ZNF667: variants seen among roughly 807,000 people sequenced by gnomAD.
ZNF667 encodes myocardial ischemic preconditioning upregulated 1 ortholog.
Under a neutral mutation model 31.8 loss-of-function variants are expected in ZNF667, and 13 were observed. That is an observed-to-expected ratio of 0.41 (90% CI 0.27 to 0.65). The LOEUF (loss-of-function observed/expected upper bound fraction) is 0.65, where lower values mean the gene tolerates loss of function less well. Among genes scored for constraint, ZNF667 ranks in the 30% least tolerant of loss-of-function variants. The probability of loss-of-function intolerance (pLI) is 0.32; values close to 1 mark genes in which losing one functional copy is unlikely to be tolerated. For synonymous variants in ZNF667, 228 were observed against 247.1 expected, an observed-to-expected ratio of 0.92 and a Z score of 0.73; for missense variants, 642 against 725.6, an observed-to-expected ratio of 0.88 and a Z score of 1.32.
At chr19:56,450,564 A>C (rs993461331) in intron 6 of ZNF667, among the ~76,000 whole-genome samples, 6 of 152,214 alleles carry the variant, frequency 3.9e-5, no homozygotes, top group African/African-American at 1.4e-4. Context: ...CTGCACAGAT[A>C]AATACAAAAT....
At chr19:56,446,140 T>G (rs2042704817) in intron 6 of ZNF667, among the ~76,000 whole-genome samples, 1 of 152,252 alleles carries the variant, frequency 6.6e-6, no homozygotes. Flanking sequence ...AGGTGTGCTT[T>G]AAAGGCAGAC....
rs530481650 is a variant in ZNF667 at position 56,471,108 on chromosome 19, C to T, written c.-60+591G>A. ...AGCACCATCCCTTTGGTGCTGTTCC[C>T]GTGATAAGAGTTCTCACGAGATCCA... On this transcript the variant is annotated intron_variant, in intron 3 of 6. Coordinates refer to ENST00000504904, the MANE Select transcript of ZNF667 (RefSeq NM_001321356.2). Among the ~76,000 whole-genome samples the T allele has an allele frequency of 1.4e-4, 21 of 152,096 alleles. No individual in the cohort carries two copies. In the South Asian group the frequency reaches 3.3e-3, roughly 24 times the overall value.
chr19:56,458,460 C>T (rs1161041528), intron 5 of ZNF667, among the ~76,000 whole-genome samples: 1 of 152,148 alleles, frequency 6.6e-6, no homozygotes, highest in Admixed American at 6.5e-5. Flanking sequence ...TCCTTAAACC[C>T]TGGGAATCTC....
intron 1 of ZNF667, chr19:56,475,847 T>A (rs2043394539): frequency 6.6e-6 from 1 of 152,190 alleles, no homozygotes; most frequent in South Asian, 2.1e-4. Flanking sequence ...AATGCTGCCC[T>A]CCCAGGACCC....
Position 56,463,254 on chromosome 19 carries a change from G to C in ZNF667, c.-59-825C>G, listed in dbSNP as rs117044193. On this transcript the variant is annotated intron_variant, in intron 3 of 6. Coordinates refer to ENST00000504904, the MANE Select transcript of ZNF667 (RefSeq NM_001321356.2). ...CATGTCTATATGGTGGGTTAACTGT[G>C]TGTCAGAAGAGGGAGCAGGAGTGAG... is the stretch of plus-strand genomic sequence containing the variant. Among the ~76,000 whole-genome samples, 216 of 152,306 alleles carry C rather than the reference G, an allele frequency of 1.4e-3. 3 individuals are homozygous for C. The East Asian group carries it at 0.036, about 25-fold the overall frequency.
intron 6 of ZNF667, among the ~76,000 whole-genome samples, chr19:56,455,806 TGATA>T (rs1218229790): frequency 1.3e-5 from 2 of 152,160 alleles, no homozygotes; most frequent in African/African-American, 4.8e-5. Context: ...AAGCTTGAGG[TGATA>T]GATACCTCAC....
chr19:56,442,005 A>G lies in ZNF667; in HGVS notation c.990T>C (p.Phe330=). The part of the protein sequence containing the change: ...QQRSHHLENP[F]KCRKCGKLFN... The stretch of plus-strand genomic sequence containing the variant: ...ATAATTTCCCACATTTTCTGCATTT[A>G]AAAGGATTCTCTAAATGGTGACTTC... Residue 330 remains phenylalanine (F), a synonymous_variant, in exon 7 of 7, where the codon TTT becomes TTC. Transcript: ENST00000504904. 1 of 1,614,030 alleles carries G rather than the reference A, an allele frequency of 6.2e-7. No individual in the cohort carries two copies. Among genetic ancestry groups the G allele is most frequent in the Non-Finnish European group, 8.5e-7 (1 of 1,179,962 alleles).
At chr19:56,458,085 C>G (rs967533467) in intron 6 of ZNF667, 70 bp downstream of exon 6, 1 of 1,367,366 alleles carries the variant, frequency 7.3e-7, no homozygotes, top group African/African-American at 1.4e-5. Context: ...TGTAAGTCAC[C>G]TAATATATGG....
chr19:56,474,495 C>T (rs990795988), intron 1 of ZNF667: 3 of 152,248 alleles, frequency 2.0e-5, no homozygotes, highest in African/African-American at 7.2e-5. Context: ...CCTGCCATTT[C>T]CCCACTTTGC....
Position 56,441,251 on chromosome 19 carries a change from G to T in ZNF667, c.1744C>A (p.Pro582Thr). ...TTCCCACATTTACTACATTCATAGG[G>T]TTTCTCTGAAGAATGACTTCTCTGA... ...RHQRSHSSEK[P>T]YECSKCGKAY... The change falls in exon 7 of 7, where the codon CCC (proline) becomes ACC (threonine). Residue 582 changes from proline (P) to threonine (T), a missense_variant. By Grantham distance (38) the Pro-to-Thr change is conservative. Coordinates refer to ENST00000504904, the MANE Select transcript of ZNF667 (RefSeq NM_001321356.2). The surrounding 1 kb of genome is among the most constrained non-coding windows in gnomAD (Gnocchi z 4.2). 1 of 1,614,078 alleles carries T rather than the reference G, an allele frequency of 6.2e-7. No individual in the cohort carries two copies. Among genetic ancestry groups the T allele is most frequent in the Non-Finnish European group, 8.5e-7 (1 of 1,179,966 alleles).
intron 3 of ZNF667, among the ~76,000 whole-genome samples, chr19:56,465,415 G>C (rs74841686): frequency 0.036 from 5,421 of 152,316 alleles, 211 homozygotes; most frequent in African/African-American, 0.096. Context: ...GCAGAAGAAT[G>C]CTTGGATTAT....
At position 56,441,654 on chromosome 19, in the gene ZNF667, T is replaced by C. The variant is rs779046112; in HGVS notation, c.1341A>G (p.Lys447=). 1.9e-6 allele frequency: 3 copies of C among 1,614,126 alleles called. No individual in the cohort carries two copies. Among genetic ancestry groups the C allele is most frequent in the Non-Finnish European group, 2.5e-6 (3 of 1,180,012 alleles). Residue 447 remains lysine (K), a synonymous_variant, in exon 7 of 7, where the codon AAA becomes AAG. Coordinates refer to ENST00000504904, the MANE Select transcript of ZNF667 (RefSeq NM_001321356.2). This position sits in a 1 kb window ranked among gnomAD's most constrained non-coding sequence, Gnocchi z 4.2. ...ATTGGCGGCCGAAAACTTTACTACA[T>C]TTATTGCATTTGAAAGGTTTCTCTT... ...HSEEKPFKCN[K]CSKVFGRQSF...
intron 6 of ZNF667, among the ~76,000 whole-genome samples, chr19:56,457,210 T>C (rs2042951328): frequency 6.6e-6 from 1 of 152,102 alleles, no homozygotes; most frequent in Non-Finnish European, 1.5e-5. Flanking sequence ...AAAGAACACT[T>C]GGAGAAAAGA....
In ZNF667 at chr19:56,476,752, C is replaced by T. The variant is rs372142150; in HGVS notation, c.-662+520G>A. Reference sequence around the variant, plus strand: ...GATATACACCAGAAAGGCACAGTCACACACTCATAACCGCAAAGCCACTGA... The same window carrying T: ...GATATACACCAGAAAGGCACAGTCATACACTCATAACCGCAAAGCCACTGA... On this transcript the variant is annotated intron_variant, in intron 1 of 6. Coordinates refer to ENST00000504904, the MANE Select transcript of ZNF667 (RefSeq NM_001321356.2). Among the ~76,000 whole-genome samples, 39 of 152,306 alleles carry T rather than the reference C, an allele frequency of 2.6e-4. No homozygotes were observed. In the South Asian group the frequency reaches 8.1e-3, roughly 32 times the overall value.
At chr19:56,471,374 C>T (rs1277812546) in intron 3 of ZNF667, among the ~76,000 whole-genome samples, 2 of 152,234 alleles carry the variant, frequency 1.3e-5, no homozygotes, top group East Asian at 3.8e-4. Flanking sequence ...ACTCCCACCA[C>T]AGCAGGTTGT....
At chr19:56,477,424 AAAC>A (rs1176149904), upstream of ZNF667, 1 of 151,682 alleles carries the variant, frequency 6.6e-6, no homozygotes, top group East Asian at 2.0e-4. Context: ...CCCCGCCCCC[AAAC>A]AAGGCCACGC....
At chr19:56,446,713 G>C (rs2042717186) in intron 6 of ZNF667, among the ~76,000 whole-genome samples, 1 of 152,058 alleles carries the variant, frequency 6.6e-6, no homozygotes, top group African/African-American at 2.4e-5. Context: ...AAAACAACCA[G>C]ACAAAATAAG....
At chr19:56,456,063 C>T (rs2042925481) in intron 6 of ZNF667, among the ~76,000 whole-genome samples, 2 of 152,188 alleles carry the variant, frequency 1.3e-5, no homozygotes, top group Admixed American at 6.5e-5. Context: ...GAGATTTCTA[C>T]AAGTGTTGTG....
rs1302571841 is a variant in ZNF667, at chr19:56,471,928, TG to T, written c.-290del. Reference sequence around the variant, plus strand: ...TCCACGTGTTGTGGGAGGGACCCGGTGGGAGATAACTGAATCATGGGGGCGG... The same window carrying T: ...TCCACGTGTTGTGGGAGGGACCCGGTGGAGATAACTGAATCATGGGGGCGG... On this transcript the variant is annotated 5_prime_UTR_variant, in exon 3 of 7. The change creates a premature stop within an existing upstream ORF in the 5' untranslated region. Transcript: ENST00000504904. The T allele has an allele frequency of 2.0e-5, 3 of 152,154 alleles. No individual in the cohort carries two copies. The highest frequency in any genetic ancestry group is 7.2e-5 in the African/African-American group (3 of 41,430). 9.4% of individuals were successfully genotyped at this position (152,154 alleles called of 1,614,324 possible). A position where few individuals can be genotyped will look rare whatever the true frequency, so the allele number is the denominator to read the frequency against.
Sources: gnomAD v4.1 joint callset for allele counts (sites outside exome capture counted in the v4.1 genomes callset) on GRCh38, gnomAD v4.1.1 for gene constraint, Gnocchi (gnomAD v3.1) non-coding constraint, MANE v1.5 for transcripts, NCBI Gene and HGNC (gene_info 2026-07-23, HGNC 2026-07-21) for gene names.